FAM81A: variants seen among roughly 807,000 people sequenced by gnomAD.
The protein encoded by FAM81A is protein FAM81A.
FAM81A carries 19 observed loss-of-function variants against 46.7 expected under a neutral mutation model. The observed-to-expected ratio is 0.41, with a 90% confidence interval of 0.28 to 0.60. The LOEUF is 0.60. Among genes scored for constraint, FAM81A ranks in the 20% least tolerant of loss-of-function variants. FAM81A has a pLI of 0.34. For missense variants in FAM81A, 377 were observed against 453.5 expected, an observed-to-expected ratio of 0.83 and a Z score of 1.53; for synonymous variants, 183 against 152.9, an observed-to-expected ratio of 1.20 and a Z score of -1.45.
upstream of FAM81A, among the ~76,000 whole-genome samples, chr15:59,436,976 CAT>C (rs1328093229): frequency 4.6e-5 from 7 of 152,176 alleles, no homozygotes; most frequent in African/African-American, 1.7e-4. Context: ...CAGGGCTAAG[CAT>C]AGTTTCTAGC....
At position 59,432,739 on chromosome 15, in the gene FAM81A, T is replaced by C. The variant is rs560277838; in HGVS notation, c.-77-25811T>C. 1.1e-4 allele frequency among the ~76,000 whole-genome samples: 17 copies of C among 152,234 alleles called. 1 individual carries two copies. Among genetic ancestry groups the C allele is most frequent in the South Asian group, 8.3e-4 (4 of 4,824 alleles). Reference sequence around the variant, plus strand: ...GGTCTGACATAAACATTGGCTATGATTGCAACAGGGCCAGGGCTGAGGGGA... The same window carrying C: ...GGTCTGACATAAACATTGGCTATGACTGCAACAGGGCCAGGGCTGAGGGGA... On this transcript the variant is annotated intron_variant, in intron 2 of 4. Coordinates refer to the FAM81A transcript ENST00000558348.
chr15:59,508,585 C>A (rs80048177), intron 5 of FAM81A, among the ~76,000 whole-genome samples: 1 of 151,984 alleles, frequency 6.6e-6, no homozygotes, highest in Non-Finnish European at 1.5e-5. Flanking sequence ...GTAGAAGTTG[C>A]GGTCTTGGGT....
intron 1 of FAM81A, chr15:59,444,358 T>G (rs1205940941): frequency 1.8e-4 from 28 of 152,232 alleles, no homozygotes; most frequent in Non-Finnish European, 2.9e-5. Flanking sequence ...CCGTGGATAA[T>G]TTGAGAAGGC....
At chr15:59,430,105 A>C (rs1022178203) in intron 2 of FAM81A, among the ~76,000 whole-genome samples, 5 of 152,194 alleles carry the variant, frequency 3.3e-5, no homozygotes, top group African/African-American at 1.2e-4. Flanking sequence ...GGTGGTGATC[A>C]CGGACTCCTC....
At position 59,516,661 on chromosome 15, in the gene FAM81A, A is replaced by G. The variant is rs990238000; in HGVS notation, c.803A>G (p.Asp268Gly). Residue 268 changes from aspartate to glycine, a missense_variant, in exon 8 of 9, where the codon GAT (aspartate) becomes GGT (glycine). Transcript: ENST00000288228. Reference protein sequence around the residue: ...VKENSGASERDMEKKLSQMSA... With the variant: ...VKENSGASERGMEKKLSQMSA... The stretch of plus-strand genomic sequence containing the variant: ...GGATCTCAGGGAGCCAGTGAAAGGG[A>G]TATGGAGAAGAAGCTCAGCCAGATG... 3.7e-6 allele frequency: 6 copies of G among 1,612,868 alleles called. No individual in the cohort carries two copies. The highest frequency in any genetic ancestry group is 3.4e-5 in the Admixed American group (2 of 59,676).
upstream of FAM81A, among the ~76,000 whole-genome samples, chr15:59,436,051 C>T (rs1307399012): frequency 1.3e-5 from 2 of 152,040 alleles, no homozygotes; most frequent in Admixed American, 6.5e-5. Flanking sequence ...CTTTGAAAGC[C>T]CGGTTCTTAC....
At chr15:59,456,597 G>C (rs2081487764) in intron 1 of FAM81A, among the ~76,000 whole-genome samples, 1 of 152,006 alleles carries the variant, frequency 6.6e-6, no homozygotes, top group Non-Finnish European at 1.5e-5. Flanking sequence ...TTGTATTTGA[G>C]ACAGAGTCTC....
intron 4 of FAM81A, 87 bp from the exon 5 acceptor site, chr15:59,507,126 G>A: frequency 1.4e-6 from 2 of 1,476,366 alleles, no homozygotes; most frequent in East Asian, 2.5e-5. Flanking sequence ...TCTTTGAGTG[G>A]GTTTTGCATT....
intron 1 of FAM81A, among the ~76,000 whole-genome samples, chr15:59,456,810 A>G (rs889675206): frequency 2.0e-5 from 3 of 152,068 alleles, no homozygotes; most frequent in African/African-American, 4.8e-5. Flanking sequence ...TCTGGGCTTG[A>G]ACTCCTGGGC....
intron 6 of FAM81A, among the ~76,000 whole-genome samples, chr15:59,511,093 C>G (rs1163521542): frequency 6.6e-6 from 1 of 151,782 alleles, no homozygotes; most frequent in African/African-American, 2.4e-5. Context: ...GAGACTCCAT[C>G]TCAAAAAAAG....
intron 6 of FAM81A, among the ~76,000 whole-genome samples, chr15:59,512,667 G>T (rs763717378): frequency 2.3e-4 from 35 of 151,980 alleles, no homozygotes; most frequent in Non-Finnish European, 3.8e-4. Flanking sequence ...AGGGGTTCAC[G>T]GTTGTGTACT....
intron 4 of FAM81A, among the ~76,000 whole-genome samples, chr15:59,494,132 A>G (rs533915591): frequency 1.3e-5 from 2 of 152,226 alleles, no homozygotes; most frequent in Non-Finnish European, 2.9e-5. Context: ...CTCAACATTC[A>G]TCATCAATTT....
At chr15:59,452,448 G>A (rs1234660116) in intron 1 of FAM81A, among the ~76,000 whole-genome samples, 1 of 152,156 alleles carries the variant, frequency 6.6e-6, no homozygotes, top group African/African-American at 2.4e-5. Flanking sequence ...GGAGTTTGAG[G>A]CCAGCCTGGG....
chr15:59,486,504 C>G (rs2081918455), intron 3 of FAM81A, among the ~76,000 whole-genome samples: 1 of 151,838 alleles, frequency 6.6e-6, no homozygotes, highest in Admixed American at 6.6e-5. Context: ...ACTTCCCAAA[C>G]AAAAGATATC....
chr15:59,437,440 C>G (rs994050322), upstream of FAM81A, among the ~76,000 whole-genome samples: 1 of 151,432 alleles, frequency 6.6e-6, no homozygotes, highest in Non-Finnish European at 1.5e-5. Flanking sequence ...TGATGAGAAT[C>G]CAAAATCGAG....
At chr15:59,470,495 C>T (rs1002888773) in intron 3 of FAM81A, among the ~76,000 whole-genome samples, 7 of 152,156 alleles carry the variant, frequency 4.6e-5, no homozygotes, top group African/African-American at 9.7e-5. Context: ...TTGATTGAAT[C>T]GGCTATTGAA....
chr15:59,512,306 G>C (rs12443303), intron 6 of FAM81A, among the ~76,000 whole-genome samples: 151,778 of 151,834 alleles, frequency 1, 75,861 homozygotes, highest in Non-Finnish European at 1. Context: ...AACCCTGTCT[G>C]TACAAAAATA....
Position 59,502,340 on chromosome 15 carries a change from C to T in FAM81A, c.414-4873C>T, listed in dbSNP as rs193264419. Among the ~76,000 whole-genome samples, 25 of 151,584 alleles carry T rather than the reference C, an allele frequency of 1.6e-4. 1 individual carries two copies. Among genetic ancestry groups the T allele is most frequent in the Admixed American group, 9.2e-4 (14 of 15,260 alleles). ...AAAGCTATCCCTTCCCGCTCCCCCCCCAACAACAGTCCCCAGAGTGTGATG... is the reference window on the plus strand; with the variant it reads ...AAAGCTATCCCTTCCCGCTCCCCCCTCAACAACAGTCCCCAGAGTGTGATG... On this transcript the variant is annotated intron_variant, in intron 4 of 8. Coordinates refer to ENST00000288228, the MANE Select transcript of FAM81A (RefSeq NM_152450.3).
upstream of FAM81A, among the ~76,000 whole-genome samples, chr15:59,435,030 T>C (rs185625088): frequency 1.3e-5 from 2 of 152,258 alleles, no homozygotes; most frequent in South Asian, 2.1e-4. Flanking sequence ...GGCTTATGCC[T>C]GTAATCCCAG....
Sources: allele counts gnomAD v4.1 joint callset (sites outside exome capture counted in the v4.1 genomes callset), GRCh38; gene constraint gnomAD v4.1.1; transcripts MANE v1.5; gene names NCBI Gene and HGNC (gene_info 2026-07-23, HGNC 2026-07-21).